The following PITPNC1 variants were observed in gnomAD, a reference collection of about 807,000 sequenced individuals.
PITPNC1 encodes the protein cytoplasmic phosphatidylinositol transfer protein 1.
Under a neutral mutation model 44.7 loss-of-function variants are expected in PITPNC1, and 18 were observed. The observed-to-expected ratio is 0.40, with a 90% CI of 0.28 to 0.60. PITPNC1 has a LOEUF of 0.60. Ranked by LOEUF, PITPNC1 falls within the 20% of genes least tolerant of loss-of-function variation. PITPNC1 has a pLI of 0.39. For synonymous variants in PITPNC1, 141 were observed against 149.6 expected (o/e 0.94, Z 0.42); for missense variants, 290 against 418.4 (o/e 0.69, Z 2.68).
intron 1 of PITPNC1, among the ~76,000 whole-genome samples, chr17:67,389,766 G>A (rs997106459): frequency 3.3e-5 from 5 of 151,936 alleles, no homozygotes; most frequent in Non-Finnish European, 7.4e-5. Flanking sequence ...TGCACCCTCC[G>A]CTTCCTGGGT....
intron 6 of PITPNC1, among the ~76,000 whole-genome samples, chr17:67,655,927 T>A (rs1278444712): frequency 1.3e-5 from 2 of 152,076 alleles, no homozygotes; most frequent in Non-Finnish European, 2.9e-5. Context: ...CAAGACCCTG[T>A]TGCAAAAAAA....
At chr17:67,501,365 T>G (rs560772100) in intron 1 of PITPNC1, among the ~76,000 whole-genome samples, 2 of 152,194 alleles carry the variant, frequency 1.3e-5, no homozygotes, top group Admixed American at 6.5e-5. Context: ...ATCTCCTTAC[T>G]TCTCAGCCAT....
At chr17:67,542,119 G>A (rs748457907) in intron 2 of PITPNC1, among the ~76,000 whole-genome samples, 1 of 152,152 alleles carries the variant, frequency 6.6e-6, no homozygotes, top group Non-Finnish European at 1.5e-5. Context: ...TGATTGTCCT[G>A]ATTCTCCTCC....
chr17:67,427,697 A>G (rs551339902), intron 1 of PITPNC1, among the ~76,000 whole-genome samples: 1 of 152,312 alleles, frequency 6.6e-6, no homozygotes, highest in African/African-American at 2.4e-5. Flanking sequence ...TCCTACAGCT[A>G]AAAATAAACC....
chr17:67,608,652 G>A (rs983417998), intron 5 of PITPNC1, among the ~76,000 whole-genome samples: 1 of 147,744 alleles, frequency 6.8e-6, no homozygotes, highest in Non-Finnish European at 1.5e-5. Context: ...CGTCACACCT[G>A]TCTAGTTTTT....
intron 5 of PITPNC1, among the ~76,000 whole-genome samples, chr17:67,620,689 C>A (rs956014619): frequency 3.9e-5 from 6 of 152,184 alleles, no homozygotes; most frequent in Non-Finnish European, 4.4e-5. Context: ...AGAAAGGGTT[C>A]TCCAGAGAAG....
intron 2 of PITPNC1, among the ~76,000 whole-genome samples, chr17:67,551,969 G>T (rs1436185062): frequency 6.6e-6 from 1 of 152,140 alleles, no homozygotes; most frequent in Admixed American, 6.5e-5. Context: ...AACCCTTCAG[G>T]CCCTGAATTC....
At chr17:67,604,520 C>T (rs1299004902) in intron 5 of PITPNC1, among the ~76,000 whole-genome samples, 1 of 152,240 alleles carries the variant, frequency 6.6e-6, no homozygotes, top group Non-Finnish European at 1.5e-5. Context: ...CGGTCACTCA[C>T]GCCTGTAATC....
intron 1 of PITPNC1, among the ~76,000 whole-genome samples, chr17:67,479,523 G>A (rs114468325): frequency 1.2e-4 from 19 of 152,284 alleles, no homozygotes; most frequent in African/African-American, 4.6e-4. Flanking sequence ...TTGATGACTT[G>A]ATTCCTGACA....
At chr17:67,522,685 T>G (rs1372759114) in intron 1 of PITPNC1, among the ~76,000 whole-genome samples, 1 of 130,840 alleles carries the variant, frequency 7.6e-6, no homozygotes, top group Non-Finnish European at 1.7e-5. Context: ...GAAAATGAGG[T>G]CTCACTTGCT....
At chr17:67,395,111 C>A (rs1276871882) in intron 1 of PITPNC1, among the ~76,000 whole-genome samples, 1 of 151,792 alleles carries the variant, frequency 6.6e-6, no homozygotes, top group Non-Finnish European at 1.5e-5. Context: ...AAAAACATCA[C>A]TGGATAGATG....
intron 5 of PITPNC1, among the ~76,000 whole-genome samples, chr17:67,626,530 C>A (rs1057291561): frequency 5.9e-5 from 9 of 152,086 alleles, no homozygotes; most frequent in Admixed American, 2.0e-4. Flanking sequence ...CCACCACACC[C>A]AGCTAATTTT....
At chr17:67,486,258 C>T (rs1388975117) in intron 1 of PITPNC1, among the ~76,000 whole-genome samples, 1 of 151,586 alleles carries the variant, frequency 6.6e-6, no homozygotes, top group African/African-American at 2.4e-5. Flanking sequence ...TAGTCTTGGG[C>T]TATATATATA....
chr17:67,555,239 G>A (rs1454509095), intron 4 of PITPNC1, among the ~76,000 whole-genome samples: 1 of 152,146 alleles, frequency 6.6e-6, no homozygotes, highest in African/African-American at 2.4e-5. Flanking sequence ...GGATTCAGTG[G>A]TCTACCCTTG....
At chr17:67,608,044 T>C (rs2041631986) in intron 5 of PITPNC1, among the ~76,000 whole-genome samples, 1 of 152,086 alleles carries the variant, frequency 6.6e-6, no homozygotes, top group Non-Finnish European at 1.5e-5. Context: ...CCTTTACCCT[T>C]GAATACTTCA....
intron 2 of PITPNC1, among the ~76,000 whole-genome samples, chr17:67,551,241 C>G (rs1245073889): frequency 6.6e-6 from 1 of 152,180 alleles, no homozygotes; most frequent in East Asian, 1.9e-4. Context: ...ACCCTGGGAC[C>G]TGTGCCTTTT....
At chr17:67,453,249 C>A (rs892473451) in intron 1 of PITPNC1, among the ~76,000 whole-genome samples, 1 of 152,138 alleles carries the variant, frequency 6.6e-6, no homozygotes, top group African/African-American at 2.4e-5. Flanking sequence ...AGATGAGGTA[C>A]CAGTCAAATC....
chr17:67,690,448 CAAAA>C (rs58085156), intron 8 of PITPNC1, among the ~76,000 whole-genome samples: 3 of 113,396 alleles, frequency 2.6e-5, no homozygotes, highest in African/African-American at 3.6e-5. Context: ...AACTCTGTCT[CAAAA>C]AAAAAAAAAA....
intron 5 of PITPNC1, chr17:67,612,436 G>A (rs561645706): frequency 6.6e-6 from 1 of 152,422 alleles, no homozygotes; most frequent in African/African-American, 2.4e-5. Flanking sequence ...TGCTAGCTCA[G>A]TGATGAGGTG....
Sources: gnomAD v4.1 joint callset for allele counts (sites outside exome capture counted in the v4.1 genomes callset) on GRCh38, gnomAD v4.1.1 for gene constraint, MANE v1.5 for transcripts, NCBI Gene and HGNC (gene_info 2026-07-23, HGNC 2026-07-21) for gene names.